The following DNAJC13 variants were observed in gnomAD, a reference collection of about 807,000 sequenced individuals.
The protein encoded by DNAJC13 is DnaJ heat shock protein family (Hsp40) member C13, also known as dnaJ homolog subfamily C member 13.
Under a neutral mutation model 290.5 loss-of-function variants are expected in DNAJC13, and 75 were observed. The ratio of observed to expected loss-of-function variants is 0.26; its 90% CI spans 0.21 to 0.31. The LOEUF (loss-of-function observed/expected upper bound fraction) is 0.31, where lower values mean the gene tolerates loss of function less well. Ranked by LOEUF, DNAJC13 falls within the 10% of genes least tolerant of loss-of-function variation. The probability of loss-of-function intolerance (pLI) is 1.00; values close to 1 mark genes in which losing one functional copy is unlikely to be tolerated. For synonymous variants in DNAJC13, 862 were observed against 892.0 expected, an observed-to-expected ratio of 0.97 and a Z score of 0.60; for missense variants, 2,260 against 2,674.5, an observed-to-expected ratio of 0.85 and a Z score of 3.42.
intron 1 of DNAJC13, among the ~76,000 whole-genome samples, chr3:132,430,949 A>G (rs889173043): frequency 2.6e-5 from 4 of 152,216 alleles, no homozygotes; most frequent in African/African-American, 9.6e-5. Context: ...CACTAGCAGG[A>G]AGATGTTAGT....
chr3:132,433,238 G>T (rs1337955706), intron 1 of DNAJC13, among the ~76,000 whole-genome samples: 1 of 152,118 alleles, frequency 6.6e-6, no homozygotes, highest in Non-Finnish European at 1.5e-5. Context: ...TGAGGAAATT[G>T]TTCTATTTTT....
chr3:132,421,682 C>T (rs772242545), intron 1 of DNAJC13, among the ~76,000 whole-genome samples: 1 of 151,592 alleles, frequency 6.6e-6, no homozygotes, highest in Non-Finnish European at 1.5e-5. Context: ...TCAAGTGATC[C>T]ACCCACCCAG....
intron 53 of DNAJC13, among the ~76,000 whole-genome samples, chr3:132,527,763 C>T (rs1936303420): frequency 2.6e-5 from 4 of 152,080 alleles, no homozygotes; most frequent in African/African-American, 9.7e-5. Context: ...ATGAAATGTA[C>T]GATGACCACA....
intron 15 of DNAJC13, among the ~76,000 whole-genome samples, chr3:132,461,698 A>ATTTTG (rs1384453166): frequency 6.6e-6 from 1 of 151,558 alleles, no homozygotes; most frequent in Non-Finnish European, 1.5e-5. Flanking sequence ...ATTTTATTTT[A>ATTTTG]TTTATTTTTT....
At chr3:132,426,044 T>C (rs1244606729) in intron 1 of DNAJC13, among the ~76,000 whole-genome samples, 1 of 152,094 alleles carries the variant, frequency 6.6e-6, no homozygotes, top group East Asian at 1.9e-4. Flanking sequence ...CCATAAATGA[T>C]CTTAAATGGT....
intron 1 of DNAJC13, among the ~76,000 whole-genome samples, chr3:132,419,329 A>G (rs1236766797): frequency 6.6e-6 from 1 of 152,222 alleles, no homozygotes; most frequent in Admixed American, 6.5e-5. Flanking sequence ...AGTAATAAAT[A>G]GTCTAAAATA....
chr3:132,506,706 C>T (rs1406213842), intron 42 of DNAJC13, among the ~76,000 whole-genome samples: 1 of 151,802 alleles, frequency 6.6e-6, no homozygotes, highest in Admixed American at 6.6e-5. Context: ...CATGTATCAC[C>T]ACGCCCAGCC....
rs371000681 is a variant in DNAJC13, at chr3:132,492,320, T to A, written c.3624-94T>A. 62 of 1,235,500 alleles carry A rather than the reference T, an allele frequency of 5.0e-5. No homozygotes were observed. In the African/African-American group the frequency reaches 6.4e-4, roughly 13 times the overall value. The allele number at this position is 1,235,500 out of a possible 1,614,324, so 76.5% of individuals were successfully genotyped here. The stretch of plus-strand genomic sequence containing the variant: ...GATAATCATTGAGTTATTCTATAGA[T>A]GATTCATGTAACTATCTTACATGAT... On this transcript the variant is annotated intron_variant, in intron 32 of 55. Transcript: ENST00000260818.
At position 132,483,431 on chromosome 3, in the gene DNAJC13, A is replaced by T. The variant is rs1011013745; in HGVS notation, c.3036A>T (p.Gln1012His). 2.5e-6 allele frequency: 4 copies of T among 1,614,030 alleles called. No individual in the cohort carries two copies. Among genetic ancestry groups the T allele is most frequent in the Non-Finnish European group, 3.4e-6 (4 of 1,180,016 alleles). ...MLNAKTRCWA[Q>H]GMDGWRPLQS... ...ATGCAAAAACCAGATGCTGGGCTCA[A>T]GGCATGGATGGATGGCGACCACTTC... Residue 1012 changes from glutamine (Q) to histidine (H), a missense_variant, in exon 28 of 56, where the codon CAA (glutamine) becomes CAT (histidine). Gln to His is a conservative substitution (Grantham distance 24). Around this residue, in one of 3 missense-constraint regions of DNAJC13, gnomAD observed 1,494 missense variants for 1,693.7 expected, o/e 0.88. Transcript: ENST00000260818.
At chr3:132,484,118 A>G (rs564371980) in intron 28 of DNAJC13, among the ~76,000 whole-genome samples, 1 of 152,386 alleles carries the variant, frequency 6.6e-6, no homozygotes, top group South Asian at 2.1e-4. Context: ...AAACTGTAAC[A>G]TTTTAAAACA....
Position 132,477,517 on chromosome 3 carries a change from C to T in DNAJC13, c.2446-272C>T, listed in dbSNP as rs62292949. ...GGACCATCTACTCCTTGCTTTTTTA[C>T]GGCAAACCCAGTAGGGAATAAAGCA... On this transcript the variant is annotated intron_variant, in intron 22 of 55. Transcript: ENST00000260818. Among the ~76,000 whole-genome samples, 14,144 of 152,202 alleles carry T rather than the reference C, an allele frequency of 0.093. 822 individuals are homozygous for T. The highest frequency in any genetic ancestry group is 0.14 in the South Asian group (684 of 4,824).
At chr3:132,470,586 C>A (rs1934173142) in intron 20 of DNAJC13, among the ~76,000 whole-genome samples, 1 of 142,934 alleles carries the variant, frequency 7.0e-6, no homozygotes. Context: ...CCCCTCACCT[C>A]CCGGACGGGG....
chr3:132,500,574 A>G (rs1576503243), intron 38 of DNAJC13, among the ~76,000 whole-genome samples: 2 of 152,326 alleles, frequency 1.3e-5, no homozygotes, highest in East Asian at 3.9e-4. Context: ...AGTTTGGCCC[A>G]TGGGTTGTAG....
At chr3:132,475,149 AT>A (rs888272646) in intron 22 of DNAJC13, 64 bp downstream of exon 22, 23 of 1,287,432 alleles carry the variant, frequency 1.8e-5, no homozygotes, top group South Asian at 4.0e-5. Flanking sequence ...TTGGGGAGTG[AT>A]TTTTTTTAAA....
chr3:132,532,912 A>AATAATTATTATTATTATTATTATTATT (rs1553753686), intron 55 of DNAJC13, among the ~76,000 whole-genome samples: 1 of 141,828 alleles, frequency 7.1e-6, no homozygotes, highest in African/African-American at 2.7e-5. Flanking sequence ...TAATTTTTGT[A>AATAATTATTATTATTATTATTATTATT]ATTATTATTA....
At chr3:132,487,530 A>G (rs1042421710) in intron 29 of DNAJC13, among the ~76,000 whole-genome samples, 2 of 138,904 alleles carry the variant, frequency 1.4e-5, no homozygotes, top group African/African-American at 6.2e-5. Context: ...TGCTGGGATT[A>G]CAGGCGTGAG....
At chr3:132,509,847 A>G (rs758117866) in intron 43 of DNAJC13, among the ~76,000 whole-genome samples, 2 of 152,174 alleles carry the variant, frequency 1.3e-5, no homozygotes, top group Non-Finnish European at 2.9e-5. Context: ...CACTTAATAG[A>G]CCACAGTATA....
In DNAJC13 at chr3:132,526,120, CCTTCT is replaced by C; in HGVS notation, c.6241-17_6241-13del. 6.2e-7 allele frequency: 1 copy of C among 1,613,158 alleles called. No homozygotes were observed. Among genetic ancestry groups the C allele is most frequent in the Non-Finnish European group, 8.5e-7 (1 of 1,179,538 alleles). Reference sequence around the variant, plus strand: ...ATAAATATTGCCAGTCTACAAGTAACCTTCTCTTTTGGGCACTTAGCTGTGTGTTC... The same window carrying C: ...ATAAATATTGCCAGTCTACAAGTAACCTTTTGGGCACTTAGCTGTGTGTTC... On this transcript the variant is annotated splice_polypyrimidine_tract_variant and intron_variant, in intron 52 of 55. Transcript: ENST00000260818.
chr3:132,504,771 A>T (rs1200734058), intron 41 of DNAJC13, among the ~76,000 whole-genome samples: 1 of 152,232 alleles, frequency 6.6e-6, no homozygotes, highest in Non-Finnish European at 1.5e-5. Flanking sequence ...CCAGATGCCT[A>T]AGCAGTCATA....
Sources: gnomAD v4.1 joint callset for allele counts (sites outside exome capture counted in the v4.1 genomes callset) on GRCh38, gnomAD v4.1.1 for gene constraint, gnomAD v4.1.1 regional missense constraint, MANE v1.5 for transcripts, NCBI Gene and HGNC (gene_info 2026-07-23, HGNC 2026-07-21) for gene names.